Variants in EVC observed in about 807,000 individuals in gnomAD.
EVC encodes evC complex member EVC.
Under a neutral mutation model 118.9 loss-of-function variants are expected in EVC, and 116 were observed. The ratio of observed to expected loss-of-function variants is 0.98; its 90% CI spans 0.84 to 1.14. The LOEUF is 1.14. Among genes scored for constraint, EVC ranks in the 50% most tolerant of loss-of-function variants. The pLI is 0.00. For missense variants in EVC, 1,401 were observed against 1,246.4 expected (o/e 1.12, Z -1.87); for synonymous variants, 619 against 534.7 (o/e 1.16, Z -2.18).
In EVC at chr4:5,711,542, C is replaced by T. The variant is rs1305323625; in HGVS notation, c.162C>T (p.Arg54=). 2.4e-5 allele frequency: 28 copies of T among 1,171,110 alleles called. No homozygotes were observed. In the Admixed American group the frequency reaches 1.2e-3, roughly 49 times the overall value. 72.5% of individuals were successfully genotyped at this position (1,171,110 alleles called of 1,614,324 possible). A position where few individuals can be genotyped will look rare whatever the true frequency, so the allele number is the denominator to read the frequency against. The change falls in exon 1 of 21, where the codon CGC becomes CGT. Residue 54 remains arginine (R), a synonymous_variant. Coordinates refer to ENST00000264956, the MANE Select transcript of EVC (RefSeq NM_153717.3). ...TTGGCTGCCGCGCGGGCCGCCAGCG[C>T]ACGCGACACCAGGTGGGTCGGCCGA... is the stretch of plus-strand genomic sequence containing the variant. The part of the protein sequence containing the change: ...LWLGCRAGRQ[R]TRHQKDDTQN...
At chr4:5,741,578 A>G (rs1728580957) in intron 5 of EVC, 138 bp from the exon 6 acceptor site, 1 of 594,960 alleles carries the variant, frequency 1.7e-6, no homozygotes, top group Non-Finnish European at 3.1e-6. Context: ...CAAAAAATAT[A>G]CGTGAAGAGA....
At chr4:5,783,151 ATGTG>A (rs1735887880) in intron 11 of EVC, among the ~76,000 whole-genome samples, 1 of 151,898 alleles carries the variant, frequency 6.6e-6, no homozygotes, top group Admixed American at 6.6e-5. Context: ...TGTGTGATTC[ATGTG>A]TGTATGTGTG....
At chr4:5,736,201 G>A (rs897659684) in intron 5 of EVC, among the ~76,000 whole-genome samples, 9 of 152,126 alleles carry the variant, frequency 5.9e-5, no homozygotes, top group African/African-American at 2.2e-4. Context: ...GCACTAGGGG[G>A]TTCTCATGGT....
At chr4:5,750,842 G>A (rs114268045) in intron 8 of EVC, among the ~76,000 whole-genome samples, 2,385 of 152,180 alleles carry the variant, frequency 0.016, 74 homozygotes, top group African/African-American at 0.054. Context: ...GAAGAGGGAT[G>A]GATTCACTAT....
intron 19 of EVC, 62 bp downstream of exon 19, chr4:5,809,673 G>A: frequency 7.0e-7 from 1 of 1,424,906 alleles, no homozygotes; most frequent in Non-Finnish European, 9.8e-7. Flanking sequence ...ACGGATTCTA[G>A]TTCCACACTG....
At position 5,797,042 on chromosome 4, in the gene EVC, A is replaced by C. The variant is rs757227773; in HGVS notation, c.1907A>C (p.Gln636Pro). Residue 636 changes from glutamine to proline, a missense_variant, in exon 14 of 21, where the codon CAG becomes CCG. Gln to Pro is a moderately conservative substitution (Grantham distance 76). Transcript: ENST00000264956. ...LTEESTRCVL[Q>P]GHDLLLRSAL... ...CAAAGGTCCACGCGGTGTGTCCTGCAGGGGCATGACCTGCTGTTGCGCTCA... is the reference window on the plus strand; with the variant it reads ...CAAAGGTCCACGCGGTGTGTCCTGCCGGGGCATGACCTGCTGTTGCGCTCA... 3.5e-5 allele frequency: 56 copies of C among 1,613,080 alleles called. 1 individual carries two copies. In the Admixed American group the frequency reaches 9.3e-4, roughly 27 times the overall value.
At chr4:5,825,945 C>T in the EVC span, 23 of 464,014 alleles carry the variant, frequency 5.0e-5, no homozygotes, top group East Asian at 9.5e-4. The surrounding 1 kb of genome is among the most constrained non-coding windows in gnomAD (Gnocchi z 4.4). Context: ...CAGTCATGCA[C>T]ACATATATGC....
the EVC span, chr4:5,825,743 A>T: frequency 6.9e-7 from 1 of 1,451,602 alleles, no homozygotes; most frequent in African/African-American, 1.4e-5. This position sits in a 1 kb window ranked among gnomAD's most constrained non-coding sequence, Gnocchi z 4.4. Flanking sequence ...CCTGCGGGCG[A>T]GAGAGAAACC....
chr4:5,743,688 G>T lies in EVC; in HGVS notation c.802-1516G>T, dbSNP rs566060719. Among the ~76,000 whole-genome samples the T allele has an allele frequency of 2.6e-5, 4 of 152,274 alleles. No individual in the cohort carries two copies. In the South Asian group the frequency reaches 8.3e-4, roughly 32 times the overall value. On this transcript the variant is annotated intron_variant, in intron 6 of 20. Transcript: ENST00000264956. The surrounding 1 kb of genome is among the most constrained non-coding windows in gnomAD (Gnocchi z 4.7). ...GGATGACTCACTGCATCCCAGGAAG[G>T]AGGAAGGACATCATCATCTTCACTG...
chr4:5,776,507 A>G (rs971699358), intron 11 of EVC, among the ~76,000 whole-genome samples: 19 of 152,158 alleles, frequency 1.2e-4, no homozygotes, highest in African/African-American at 4.6e-4. Flanking sequence ...TCTCTTTTAC[A>G]TGTAAAGAGG....
intron 2 of EVC, among the ~76,000 whole-genome samples, chr4:5,722,014 C>T (rs1395244762): frequency 6.6e-6 from 1 of 152,240 alleles, no homozygotes; most frequent in Non-Finnish European, 1.5e-5. Context: ...ACATAGGGTA[C>T]CCTTGAATGT....
At position 5,814,081 on chromosome 4, in the gene EVC, AG is replaced by A. The variant is rs1423463078; in HGVS notation, c.*3047del. On this transcript the variant is annotated 3_prime_UTR_variant, in exon 21 of 21. Transcript: ENST00000264956. Reference sequence around the variant, plus strand: ...AGCTGATGAAGGCTTGAAGGACGGAAGGGCTGAGCCACATGAAGGCAGCACT... The same window carrying A: ...AGCTGATGAAGGCTTGAAGGACGGAAGGCTGAGCCACATGAAGGCAGCACT... The A allele has an allele frequency of 6.6e-6, 1 of 152,326 alleles. No individual in the cohort carries two copies. The highest frequency in any genetic ancestry group is 1.5e-5 in the Non-Finnish European group (1 of 68,078). The allele number at this position is 152,326 out of a possible 1,614,324, so 9.4% of individuals were successfully genotyped here.
At position 5,804,932 on chromosome 4, in the gene EVC, C is replaced by G. The variant is rs945499333; in HGVS notation, c.2561+91C>G. 11 of 1,144,722 alleles carry G rather than the reference C, an allele frequency of 9.6e-6. No individual in the cohort carries two copies. In the Admixed American group the frequency reaches 2.0e-4, roughly 21 times the overall value. The allele number at this position is 1,144,722 out of a possible 1,614,324, so 70.9% of individuals were successfully genotyped here. On this transcript the variant is annotated intron_variant, in intron 17 of 20. Coordinates refer to ENST00000264956, the MANE Select transcript of EVC (RefSeq NM_153717.3). ...GTGGTGCCGTCAGCAGGTGCCGTCG[C>G]GTGCATTGCCCGTGGACTTGGGGGC...
chr4:5,778,297 A>T (rs1407078311), intron 11 of EVC, among the ~76,000 whole-genome samples: 2 of 152,020 alleles, frequency 1.3e-5, no homozygotes, highest in South Asian at 2.1e-4. Flanking sequence ...CGCAGTAAAC[A>T]TACGTGTGCA....
At chr4:5,752,351 G>T (rs188187036) in intron 8 of EVC, among the ~76,000 whole-genome samples, 1 of 152,132 alleles carries the variant, frequency 6.6e-6, no homozygotes, top group South Asian at 2.1e-4. Flanking sequence ...GCGGGGAGTC[G>T]TGTTGGAAGC....
chr4:5,760,609 A>G (rs913652740), intron 11 of EVC, among the ~76,000 whole-genome samples: 4 of 151,988 alleles, frequency 2.6e-5, no homozygotes, highest in African/African-American at 9.7e-5. Flanking sequence ...CTGGAGTGCA[A>G]TGGTGCGATC....
Position 5,789,308 on chromosome 4 carries a change from CCCCCAG to C in EVC, c.1777-4293_1777-4288del, listed in dbSNP as rs1270871881. On this transcript the variant is annotated intron_variant, in intron 12 of 20. Coordinates refer to ENST00000264956, the MANE Select transcript of EVC (RefSeq NM_153717.3). This position sits in a 1 kb window ranked among gnomAD's most constrained non-coding sequence, Gnocchi z 4.3. ...GCCCTCTGACCGCAACTGCATGCTG[CCCCCAG>C]CCCCAGTGGTTCCTTGCACTCCTCT... is the stretch of plus-strand genomic sequence containing the variant. 2.0e-5 allele frequency among the ~76,000 whole-genome samples: 3 copies of C among 152,140 alleles called. No homozygotes were observed. Among genetic ancestry groups the C allele is most frequent in the Non-Finnish European group, 4.4e-5 (3 of 68,014 alleles).
At chr4:5,752,759 C>T in intron 8 of EVC, 77 bp from the exon 9 acceptor site, 1 of 1,482,266 alleles carries the variant, frequency 6.7e-7, no homozygotes, top group Non-Finnish European at 9.4e-7. Context: ...CTGGTGGCTT[C>T]TTCTCAGCTG....
chr4:5,750,677 T>C (rs781720553), intron 8 of EVC, among the ~76,000 whole-genome samples: 2 of 152,166 alleles, frequency 1.3e-5, no homozygotes, highest in South Asian at 2.1e-4. Flanking sequence ...GACTTGGCAG[T>C]ATGTAAAGTT....
Sources: allele counts gnomAD v4.1 joint callset (sites outside exome capture counted in the v4.1 genomes callset), GRCh38; gene constraint gnomAD v4.1.1; non-coding constraint Gnocchi (gnomAD v3.1); transcripts MANE v1.5; gene names NCBI Gene and HGNC (gene_info 2026-07-23, HGNC 2026-07-21).